Variants in MAP2K4 observed in about 807,000 individuals in gnomAD.
MAP2K4 encodes mitogen-activated protein kinase kinase 4, also known as dual specificity mitogen-activated protein kinase kinase 4.
A neutral mutation model predicts 48.5 loss-of-function variants in MAP2K4; 4 were observed. That is an observed-to-expected ratio of 0.08 (90% CI 0.04 to 0.19). The LOEUF is 0.19. Ranked by LOEUF, MAP2K4 falls within the 10% of genes least tolerant of loss-of-function variation. The probability of loss-of-function intolerance (pLI) is 1.00; values close to 1 mark genes in which losing one functional copy is unlikely to be tolerated. For synonymous variants in MAP2K4, 166 were observed against 173.1 expected (o/e 0.96, Z 0.32); for missense variants, 258 against 493.3 (o/e 0.52, Z 4.52).
chr17:12,122,875 T>C (rs546512415), intron 7 of MAP2K4, among the ~76,000 whole-genome samples: 1 of 152,356 alleles, frequency 6.6e-6, no homozygotes, highest in Admixed American at 6.5e-5. Flanking sequence ...ATGCTAATTC[T>C]ACATTTATTG....
At chr17:12,090,297 G>A (rs1450523590) in intron 3 of MAP2K4, among the ~76,000 whole-genome samples, 1 of 152,126 alleles carries the variant, frequency 6.6e-6, no homozygotes, top group East Asian at 1.9e-4. Flanking sequence ...GTCACAGAAT[G>A]GGTCATTTCA....
At chr17:12,109,285 T>C (rs984580323) in intron 5 of MAP2K4, among the ~76,000 whole-genome samples, 20 of 152,182 alleles carry the variant, frequency 1.3e-4, no homozygotes, top group African/African-American at 4.6e-4. Flanking sequence ...ATATAAAGAA[T>C]ATATACTGTA....
chr17:12,102,104 A>C (rs1971956256), intron 4 of MAP2K4, among the ~76,000 whole-genome samples: 1 of 152,002 alleles, frequency 6.6e-6, no homozygotes, highest in African/African-American at 2.4e-5. Context: ...GAAAGCATTC[A>C]TGTTTCCTTC....
intron 3 of MAP2K4, among the ~76,000 whole-genome samples, chr17:12,090,318 T>G (rs970835359): frequency 6.6e-6 from 1 of 152,132 alleles, no homozygotes; most frequent in African/African-American, 2.4e-5. Flanking sequence ...AGGCAGGCCC[T>G]GGTGCTTTGG....
intron 2 of MAP2K4, among the ~76,000 whole-genome samples, chr17:12,062,271 A>G (rs917468591): frequency 3.3e-5 from 5 of 152,074 alleles, no homozygotes; most frequent in African/African-American, 1.2e-4. Context: ...TCTTCCTGAG[A>G]TAAGAATTCT....
chr17:12,140,702 A>T (rs986185858), intron 10 of MAP2K4, among the ~76,000 whole-genome samples: 1 of 152,150 alleles, frequency 6.6e-6, no homozygotes, highest in African/African-American at 2.4e-5. Context: ...ACCTTTTTGT[A>T]AAAAGGTCCT....
At chr17:12,068,740 T>A (rs576802559) in intron 2 of MAP2K4, among the ~76,000 whole-genome samples, 4 of 151,060 alleles carry the variant, frequency 2.6e-5, no homozygotes, top group Non-Finnish European at 3.0e-5. Context: ...TATCAAAACA[T>A]ACATATATAT....
chr17:12,095,100 G>A (rs1971691557), intron 3 of MAP2K4, among the ~76,000 whole-genome samples: 1 of 152,122 alleles, frequency 6.6e-6, no homozygotes, highest in Non-Finnish European at 1.5e-5. Flanking sequence ...TATGAATGAG[G>A]ACACTGTGGT....
chr17:12,065,619 A>G (rs958872907), intron 2 of MAP2K4, among the ~76,000 whole-genome samples: 55 of 152,034 alleles, frequency 3.6e-4, no homozygotes, highest in Non-Finnish European at 7.6e-4. Context: ...TATTTTTAGT[A>G]GAGATGGGGT....
intron 1 of MAP2K4, among the ~76,000 whole-genome samples, chr17:12,042,400 G>A (rs1567629414): frequency 6.6e-6 from 1 of 152,118 alleles, no homozygotes; most frequent in Admixed American, 6.5e-5. Flanking sequence ...AGGTAGTCAG[G>A]TGTGCCCTGG....
At chr17:12,100,207 G>A (rs568982502) in intron 4 of MAP2K4, among the ~76,000 whole-genome samples, 6 of 152,250 alleles carry the variant, frequency 3.9e-5, no homozygotes, top group East Asian at 1.9e-4. Flanking sequence ...CTTACACCAC[G>A]TAGGTAATAC....
intron 4 of MAP2K4, among the ~76,000 whole-genome samples, chr17:12,098,149 A>G (rs1971820721): frequency 6.6e-6 from 1 of 152,182 alleles, no homozygotes; most frequent in Non-Finnish European, 1.5e-5. Context: ...TAAAGAGTGA[A>G]TAGTAAAAGT....
chr17:12,105,157 T>C (rs933962346), intron 4 of MAP2K4, among the ~76,000 whole-genome samples: 4 of 152,140 alleles, frequency 2.6e-5, no homozygotes, highest in Non-Finnish European at 5.9e-5. Flanking sequence ...ATCTTAGTTA[T>C]TCTTGGCTCT....
At chr17:12,082,083 C>CTTT in intron 3 of MAP2K4, 1 of 353,066 alleles carries the variant, frequency 2.8e-6, no homozygotes, top group Non-Finnish European at 6.3e-6. Context: ...GAAATGCATA[C>CTTT]CTTGTGATAA....
At chr17:12,041,206 C>T (rs534589819) in intron 1 of MAP2K4, among the ~76,000 whole-genome samples, 158 of 152,214 alleles carry the variant, frequency 1.0e-3, no homozygotes, top group Non-Finnish European at 1.8e-3. Flanking sequence ...GTGTCATTCA[C>T]GTGTTAATAT....
chr17:12,024,243 A>AT (rs1042973533), intron 1 of MAP2K4, among the ~76,000 whole-genome samples: 25 of 152,186 alleles, frequency 1.6e-4, no homozygotes, highest in Admixed American at 9.8e-4. Flanking sequence ...TGCTCTACTC[A>AT]TTTTTTTCAT....
chr17:12,134,079 G>A (rs1973128068), intron 9 of MAP2K4, among the ~76,000 whole-genome samples: 1 of 152,234 alleles, frequency 6.6e-6, no homozygotes, highest in African/African-American at 2.4e-5. Flanking sequence ...TAGAGCAAAT[G>A]CAAAAATTAA....
At chr17:12,074,026 C>A (rs1284251552) in intron 2 of MAP2K4, among the ~76,000 whole-genome samples, 4 of 152,280 alleles carry the variant, frequency 2.6e-5, no homozygotes, top group African/African-American at 9.6e-5. Flanking sequence ...CCCACCTCGG[C>A]CTCCCAAAGT....
At chr17:12,074,851 G>A (rs1284830084) in intron 2 of MAP2K4, among the ~76,000 whole-genome samples, 1 of 152,172 alleles carries the variant, frequency 6.6e-6, no homozygotes, top group East Asian at 1.9e-4. Flanking sequence ...GACACTTGTA[G>A]GGCTCACCTT....
Sources: gnomAD v4.1 joint callset for allele counts (sites outside exome capture counted in the v4.1 genomes callset) on GRCh38, gnomAD v4.1.1 for gene constraint, MANE v1.5 for transcripts, NCBI Gene and HGNC (gene_info 2026-07-23, HGNC 2026-07-21) for gene names.